PSMA1: variants seen among roughly 807,000 people sequenced by gnomAD.
The protein encoded by PSMA1 is proteasome 20S subunit alpha 1.
PSMA1 carries 3 observed loss-of-function variants against 38.4 expected under a neutral mutation model. The ratio of observed to expected loss-of-function variants is 0.08; its 90% CI spans 0.04 to 0.20. The LOEUF is 0.20. Ranked by LOEUF, PSMA1 falls within the 10% of genes least tolerant of loss-of-function variation. The pLI, the probability that PSMA1 is intolerant of heterozygous loss-of-function variation, is 1.00. For missense variants in PSMA1, 227 were observed against 325.3 expected, an observed-to-expected ratio of 0.70 and a Z score of 2.32; for synonymous variants, 101 against 107.1, an observed-to-expected ratio of 0.94 and a Z score of 0.35.
At chr11:14,508,394 T>G (rs1054676853) in intron 8 of PSMA1, among the ~76,000 whole-genome samples, 4 of 152,034 alleles carry the variant, frequency 2.6e-5, no homozygotes, top group Admixed American at 2.6e-4. Context: ...ACCTATGTAC[T>G]ATTAAAGGAC....
intron 1 of PSMA1, among the ~76,000 whole-genome samples, chr11:14,618,745 C>T (rs909626130): frequency 6.6e-6 from 1 of 152,192 alleles, no homozygotes; most frequent in Non-Finnish European, 1.5e-5. Flanking sequence ...TAAGTTCATA[C>T]TGTTTTTCAA....
chr11:14,519,678 A>G (rs961174493), intron 1 of PSMA1, among the ~76,000 whole-genome samples: 25 of 152,200 alleles, frequency 1.6e-4, no homozygotes, highest in Admixed American at 1.4e-3. Flanking sequence ...TATTATAATA[A>G]TAGTCATGGG....
chr11:14,554,490 T>C (rs1205883095), intron 2 of PSMA1, among the ~76,000 whole-genome samples: 1 of 152,202 alleles, frequency 6.6e-6, no homozygotes, highest in Non-Finnish European at 1.5e-5. Flanking sequence ...AGTTTTTCTA[T>C]AGGGTGTGAA....
intron 2 of PSMA1, among the ~76,000 whole-genome samples, chr11:14,557,769 G>T (rs1477638524): frequency 2.0e-5 from 3 of 152,038 alleles, no homozygotes; most frequent in Non-Finnish European, 4.4e-5. Flanking sequence ...CTTTTTCCTG[G>T]GTAACAGAAG....
intron 9 of PSMA1, among the ~76,000 whole-genome samples, chr11:14,506,392 G>A (rs1308559522): frequency 6.6e-6 from 1 of 151,972 alleles, no homozygotes; most frequent in Non-Finnish European, 1.5e-5. Flanking sequence ...AACAGTGCTA[G>A]TTTTTACCAA....
At chr11:14,557,636 G>A (rs947693703) in intron 2 of PSMA1, among the ~76,000 whole-genome samples, 1 of 152,098 alleles carries the variant, frequency 6.6e-6, no homozygotes, top group Non-Finnish European at 1.5e-5. Flanking sequence ...CTCACTCCTA[G>A]AGGGGTGAGG....
At chr11:14,625,159 G>A (rs926067398) in intron 1 of PSMA1, among the ~76,000 whole-genome samples, 2 of 152,182 alleles carry the variant, frequency 1.3e-5, no homozygotes, top group African/African-American at 4.8e-5. Context: ...AAGAAAATTT[G>A]TCATTCAGCC....
chr11:14,555,524 C>A (rs548253144), intron 2 of PSMA1, among the ~76,000 whole-genome samples: 7 of 152,228 alleles, frequency 4.6e-5, no homozygotes, highest in Admixed American at 2.0e-4. Flanking sequence ...AGGCTTTTAA[C>A]AACAAAAAGA....
chr11:14,588,744 T>A (rs1052528185), intron 2 of PSMA1, among the ~76,000 whole-genome samples: 2 of 152,228 alleles, frequency 1.3e-5, no homozygotes, highest in African/African-American at 4.8e-5. Context: ...ACATTCTTTA[T>A]ACTGGCCTAT....
In PSMA1 at chr11:14,610,162, C is replaced by T. The variant is rs1011540240; in HGVS notation, c.21+804G>A. On this transcript the variant is annotated intron_variant, in intron 2 of 10. Transcript: ENST00000418988. ...GCATACTATCTGCTTTCTCAGAGAGCGGCATTTGCAACACCTCTGGGTTCT... is the reference window on the plus strand; with the variant it reads ...GCATACTATCTGCTTTCTCAGAGAGTGGCATTTGCAACACCTCTGGGTTCT... 5.9e-5 allele frequency among the ~76,000 whole-genome samples: 9 copies of T among 152,290 alleles called. No individual in the cohort carries two copies. In the East Asian group the frequency reaches 1.3e-3, roughly 23 times the overall value.
chr11:14,517,810 C>T (rs979407576), intron 3 of PSMA1, 65 bp from the exon 4 acceptor site: 37 of 1,471,416 alleles, frequency 2.5e-5, no homozygotes, highest in Non-Finnish European at 3.3e-5. Flanking sequence ...AATAAGTTTA[C>T]AACCTTATTT....
chr11:14,560,888 G>A (rs1446169643), intron 2 of PSMA1, among the ~76,000 whole-genome samples: 1 of 152,146 alleles, frequency 6.6e-6, no homozygotes, highest in Non-Finnish European at 1.5e-5. Flanking sequence ...AACAGGAACA[G>A]TGGAATAATT....
chr11:14,591,913 A>G (rs1852420961), intron 2 of PSMA1, among the ~76,000 whole-genome samples: 1 of 152,076 alleles, frequency 6.6e-6, no homozygotes, highest in Non-Finnish European at 1.5e-5. Flanking sequence ...CTTTGCAATA[A>G]ATCTTGCTAC....
rs780968897 is a variant in PSMA1 at position 14,513,859 on chromosome 11, G to A, written c.372C>T (p.Gly124=). The A allele has an allele frequency of 6.2e-7, 1 of 1,602,256 alleles. No individual in the cohort carries two copies. The highest frequency in any genetic ancestry group is 1.1e-5 in the South Asian group (1 of 88,504). Residue 124 remains glycine (G), a synonymous_variant, in exon 6 of 10, where the codon GGC becomes GGT. Transcript: ENST00000396394. ...GGAGACCAACACCATATGGTCTCCG[G>A]CCATATCGTTGTGTTGGTATCTGGG... ...SKTQIPTQRY[G]RRPYGVGLLI... is the part of the protein sequence containing the mutation.
intron 9 of PSMA1, 163 bp downstream of exon 9, chr11:14,507,493 C>T: frequency 1.7e-6 from 1 of 599,016 alleles, no homozygotes; most frequent in Non-Finnish European, 2.9e-6. Context: ...GAGATCACTG[C>T]CCTTTCAATA....
chr11:14,555,966 C>T (rs1229988203), intron 2 of PSMA1, among the ~76,000 whole-genome samples: 1 of 152,196 alleles, frequency 6.6e-6, no homozygotes, highest in Non-Finnish European at 1.5e-5. Flanking sequence ...GTTTTGTTTT[C>T]TCACTGACTT....
intron 2 of PSMA1, among the ~76,000 whole-genome samples, chr11:14,593,623 A>C (rs1288889503): frequency 1.8e-4 from 22 of 119,382 alleles, no homozygotes; most frequent in Admixed American, 3.2e-4. Flanking sequence ...TGAGAGAGAG[A>C]GAGAGAGAGA....
chr11:14,605,562 T>C (rs1205030878), intron 2 of PSMA1, among the ~76,000 whole-genome samples: 1 of 152,106 alleles, frequency 6.6e-6, no homozygotes, highest in Non-Finnish European at 1.5e-5. Context: ...ACTTTGTTTA[T>C]TTTTTATAGA....
intron 2 of PSMA1, among the ~76,000 whole-genome samples, chr11:14,555,361 A>G (rs1160246285): frequency 6.6e-6 from 1 of 152,016 alleles, no homozygotes; most frequent in Non-Finnish European, 1.5e-5. Context: ...TTTCTACCCT[A>G]ATTTTCCCTT....
Sources: allele counts gnomAD v4.1 joint callset (sites outside exome capture counted in the v4.1 genomes callset), GRCh38; gene constraint gnomAD v4.1.1; transcripts MANE v1.5; gene names NCBI Gene and HGNC (gene_info 2026-07-23, HGNC 2026-07-21).